Variants in METTL6 observed in about 807,000 individuals in gnomAD.
METTL6 encodes tRNA N(3)-cytidine methyltransferase METTL6.
Under a neutral mutation model 26.4 loss-of-function variants are expected in METTL6, and 22 were observed. The observed-to-expected ratio is 0.83, with a 90% CI of 0.59 to 1.19. METTL6 has a LOEUF of 1.19. METTL6 is among the 50% of genes most tolerant of loss of function. The pLI is 0.00. For missense variants in METTL6, 304 were observed against 324.8 expected, an observed-to-expected ratio of 0.94 and a Z score of 0.49; for synonymous variants, 109 against 116.2, an observed-to-expected ratio of 0.94 and a Z score of 0.40.
downstream of METTL6, among the ~76,000 whole-genome samples, chr3:15,406,136 T>G (rs1699777295): frequency 6.6e-6 from 1 of 152,024 alleles, no homozygotes; most frequent in South Asian, 2.1e-4. Context: ...TATACTATTT[T>G]TTATAGTACT....
At chr3:15,390,569 C>T (rs1297828731) in intron 6 of METTL6, among the ~76,000 whole-genome samples, 3 of 152,178 alleles carry the variant, frequency 2.0e-5, no homozygotes, top group Admixed American at 1.3e-4. Flanking sequence ...TGCTCAAACC[C>T]CTTGTGAGAG....
downstream of METTL6, among the ~76,000 whole-genome samples, chr3:15,408,562 CT>C (rs57787117): frequency 2.1e-4 from 24 of 116,224 alleles, no homozygotes; most frequent in Non-Finnish European, 3.3e-4. Context: ...GCTCCTTGCT[CT>C]TTTTTTTTTT....
At chr3:15,388,534 G>C (rs1209283431) in intron 6 of METTL6, among the ~76,000 whole-genome samples, 2 of 152,160 alleles carry the variant, frequency 1.3e-5, no homozygotes, top group African/African-American at 4.8e-5. Context: ...CACTAAGTCA[G>C]TTCCTGGGTG....
intron 6 of METTL6, among the ~76,000 whole-genome samples, chr3:15,390,746 G>A (rs781456653): frequency 1.3e-4 from 20 of 152,240 alleles, no homozygotes; most frequent in Non-Finnish European, 2.8e-4. Flanking sequence ...CAGCTCAGTG[G>A]AGGGTCAGGG....
chr3:15,405,105 T>C (rs966601078), downstream of METTL6, among the ~76,000 whole-genome samples: 4 of 152,016 alleles, frequency 2.6e-5, no homozygotes, highest in Non-Finnish European at 5.9e-5. Flanking sequence ...CAAACAACAG[T>C]AAAAGCAAAT....
chr3:15,386,757 T>C (rs951310947), intron 6 of METTL6, among the ~76,000 whole-genome samples: 4 of 152,004 alleles, frequency 2.6e-5, no homozygotes, highest in Admixed American at 2.6e-4. Flanking sequence ...CCAAAGATCT[T>C]ACCAGGAAGC....
intron 4 of METTL6, chr3:15,414,408 T>C (rs1156989105): frequency 9.1e-7 from 1 of 1,098,050 alleles, no homozygotes; most frequent in African/African-American, 1.7e-5. Flanking sequence ...CAGGCTGGAG[T>C]GCAGTGGCAT....
At chr3:15,402,301 A>G (rs1435836604) in intron 6 of METTL6, among the ~76,000 whole-genome samples, 1 of 152,200 alleles carries the variant, frequency 6.6e-6, no homozygotes, top group Non-Finnish European at 1.5e-5. Flanking sequence ...GGTGGGCAGC[A>G]GGGCTAGGGA....
chr3:15,389,699 G>A (rs912791894), intron 6 of METTL6, among the ~76,000 whole-genome samples: 1 of 151,942 alleles, frequency 6.6e-6, no homozygotes, highest in Admixed American at 6.6e-5. Flanking sequence ...ACAGGCATGC[G>A]CCACCACGCC....
At chr3:15,400,652 C>A (rs941782592) in intron 6 of METTL6, among the ~76,000 whole-genome samples, 2 of 152,084 alleles carry the variant, frequency 1.3e-5, no homozygotes, top group African/African-American at 4.8e-5. Flanking sequence ...TAAAGAAGTT[C>A]TAACGATGCT....
intron 2 of METTL6, among the ~76,000 whole-genome samples, 182 bp from the exon 3 acceptor site, chr3:15,425,271 T>A (rs1479617311): frequency 6.6e-6 from 1 of 152,134 alleles, no homozygotes; most frequent in Non-Finnish European, 1.5e-5. Flanking sequence ...CAATTTGGTG[T>A]GGAGGAAAAA....
chr3:15,411,797 C>T (rs1699979599), intron 5 of METTL6, among the ~76,000 whole-genome samples: 1 of 151,396 alleles, frequency 6.6e-6, no homozygotes, highest in Admixed American at 6.6e-5. Context: ...CACAATGTCA[C>T]TCTGTCACCC....
chr3:15,425,198 G>A (rs553535494), intron 2 of METTL6, 109 bp from the exon 3 acceptor site: 7 of 1,154,922 alleles, frequency 6.1e-6, no homozygotes, highest in South Asian at 1.5e-5. Flanking sequence ...TGGAGCAGAC[G>A]ATCAACAAGA....
intron 4 of METTL6, 95 bp downstream of exon 4, chr3:15,415,677 T>C: frequency 6.3e-7 from 1 of 1,597,584 alleles, no homozygotes; most frequent in East Asian, 2.2e-5. Context: ...ATGGAGAGAC[T>C]ATGTGAATCT....
At chr3:15,391,511 A>G (rs887951293) in intron 6 of METTL6, among the ~76,000 whole-genome samples, 8 of 151,954 alleles carry the variant, frequency 5.3e-5, no homozygotes, top group Admixed American at 2.6e-4. Context: ...GACAGTATTT[A>G]TTTTTATTAT....
intron 3 of METTL6, among the ~76,000 whole-genome samples, chr3:15,424,137 G>A (rs1263807132): frequency 1.2e-4 from 2 of 17,144 alleles, no homozygotes; most frequent in Non-Finnish European, 2.1e-4. Flanking sequence ...CCATGTTCAT[G>A]CCACTGCATT....
chr3:15,421,182 T>C (rs1008797747), intron 3 of METTL6, among the ~76,000 whole-genome samples: 10 of 152,242 alleles, frequency 6.6e-5, no homozygotes, highest in African/African-American at 2.4e-4. Context: ...CTTGTGTTTA[T>C]TGTGGACAGA....
At chr3:15,389,918 T>C (rs1248490341) in intron 6 of METTL6, among the ~76,000 whole-genome samples, 1 of 149,440 alleles carries the variant, frequency 6.7e-6, no homozygotes, top group African/African-American at 2.5e-5. Context: ...AGCAGTGAAA[T>C]TATAGCTCAG....
chr3:15,426,672 T>C (rs906011454), intron 1 of METTL6, 37 bp from the exon 2 acceptor site: 2 of 660,504 alleles, frequency 3.0e-6, no homozygotes, highest in Non-Finnish European at 5.1e-6. Flanking sequence ...GGTTAGTGGT[T>C]ACAGTTCAAG....
Sources: gnomAD v4.1 joint callset for allele counts (sites outside exome capture counted in the v4.1 genomes callset) on GRCh38, gnomAD v4.1.1 for gene constraint, MANE v1.5 for transcripts, NCBI Gene and HGNC (gene_info 2026-07-23, HGNC 2026-07-21) for gene names.